DPYSL5: variants seen among roughly 807,000 people sequenced by gnomAD.
DPYSL5 encodes dihydropyrimidinase-related protein 5.
A neutral mutation model predicts 58.4 loss-of-function variants in DPYSL5; 9 were observed. The ratio of observed to expected loss-of-function variants is 0.15; its 90% CI spans 0.09 to 0.27. The LOEUF (loss-of-function observed/expected upper bound fraction) is 0.27, where lower values mean the gene tolerates loss of function less well. Among genes scored for constraint, DPYSL5 ranks in the 10% least tolerant of loss-of-function variants. DPYSL5 has a pLI of 1.00. For missense variants in DPYSL5, 499 were observed against 770.6 expected (o/e 0.65, Z 4.17); for synonymous variants, 293 against 301.9 (o/e 0.97, Z 0.31).
rs560601329 is a variant in DPYSL5 at position 26,873,074 on chromosome 2, C to G, written c.-5+24820C>G. On this transcript the variant is annotated intron_variant, in intron 1 of 12. Transcript: ENST00000288699. ...ACCATTTCCCCTTTTGTTTGAACTG[C>G]TAGGAAGCTTAGTGCTAAATGCAAT... Among the ~76,000 whole-genome samples, 7 of 152,244 alleles carry G rather than the reference C, an allele frequency of 4.6e-5. No individual in the cohort carries two copies. In the East Asian group the frequency reaches 1.3e-3, roughly 29 times the overall value.
chr2:26,932,208 A>AAAGAAAAG (rs1178078504), intron 6 of DPYSL5, among the ~76,000 whole-genome samples: 39 of 70,206 alleles, frequency 5.6e-4, no homozygotes, highest in Admixed American at 2.1e-3. Context: ...AGAAAGAAAG[A>AAAGAAAAG]AAAGAAAGAA....
At chr2:26,860,401 T>C (rs11887277) in intron 1 of DPYSL5, among the ~76,000 whole-genome samples, 62,789 of 152,064 alleles carry the variant, frequency 0.41, 13,320 homozygotes, top group Admixed American at 0.49. Context: ...TTTGATGTCC[T>C]GTGACAGACA....
At chr2:26,919,463 A>G (rs1664652709) in intron 2 of DPYSL5, among the ~76,000 whole-genome samples, 1 of 152,242 alleles carries the variant, frequency 6.6e-6, no homozygotes, top group African/African-American at 2.4e-5. Context: ...AAATTGTAAA[A>G]TGATGTTTCA....
At chr2:26,937,397 A>C (rs1665207509) in intron 8 of DPYSL5, among the ~76,000 whole-genome samples, 1 of 152,082 alleles carries the variant, frequency 6.6e-6, no homozygotes, top group Non-Finnish European at 1.5e-5. Flanking sequence ...TTAATATTTT[A>C]ATATTTATAG....
intron 1 of DPYSL5, among the ~76,000 whole-genome samples, chr2:26,872,977 A>C (rs1663309853): frequency 6.6e-6 from 1 of 152,200 alleles, no homozygotes; most frequent in Non-Finnish European, 1.5e-5. Flanking sequence ...TTAGACTGAA[A>C]CCTCTTTTTA....
At chr2:26,882,290 G>A (rs1212284269) in intron 1 of DPYSL5, among the ~76,000 whole-genome samples, 1 of 151,978 alleles carries the variant, frequency 6.6e-6, no homozygotes, top group Non-Finnish European at 1.5e-5. Context: ...CTGTCACCCA[G>A]GCTGGAGTTC....
chr2:26,866,001 T>C (rs1666131076), intron 1 of DPYSL5, among the ~76,000 whole-genome samples: 1 of 152,196 alleles, frequency 6.6e-6, no homozygotes, highest in African/African-American at 2.4e-5. Context: ...GGTGGGTGTT[T>C]GTCTGCATGG....
At chr2:26,872,305 C>A (rs767053297) in intron 1 of DPYSL5, among the ~76,000 whole-genome samples, 2 of 152,212 alleles carry the variant, frequency 1.3e-5, no homozygotes, top group Non-Finnish European at 2.9e-5. Flanking sequence ...CATTTGAATT[C>A]TCTTTGTTGT....
chr2:26,899,451 A>T (rs983970137), intron 2 of DPYSL5, among the ~76,000 whole-genome samples: 1 of 152,178 alleles, frequency 6.6e-6, no homozygotes, highest in African/African-American at 2.4e-5. Flanking sequence ...CATTGCTGTC[A>T]TCCCTCTTCC....
Position 26,942,942 on chromosome 2 carries a change from TC to T in DPYSL5, c.1440+196del, listed in dbSNP as rs1443366452. Among the ~76,000 whole-genome samples the T allele has an allele frequency of 6.6e-6, 1 of 152,214 alleles. No individual in the cohort carries two copies. Among genetic ancestry groups the T allele is most frequent in the African/African-American group, 2.4e-5 (1 of 41,456 alleles). On this transcript the variant is annotated intron_variant, in intron 11 of 12. Coordinates refer to ENST00000288699, the MANE Select transcript of DPYSL5 (RefSeq NM_020134.4). The surrounding 1 kb of genome is among the most constrained non-coding windows in gnomAD (Gnocchi z 5.9). ...AGAGTCAGAAAATGCTGATTTCTGT[TC>T]CCCGTCTTTGATTACCAAGTGGCAT...
At chr2:26,893,347 C>T (rs1663936291) in intron 1 of DPYSL5, among the ~76,000 whole-genome samples, 1 of 152,190 alleles carries the variant, frequency 6.6e-6, no homozygotes, top group Non-Finnish European at 1.5e-5. Flanking sequence ...TGTGCCCTTA[C>T]AAGAGGTACT....
At chr2:26,853,845 C>A (rs1665814235) in intron 1 of DPYSL5, among the ~76,000 whole-genome samples, 1 of 152,088 alleles carries the variant, frequency 6.6e-6, no homozygotes, top group African/African-American at 2.4e-5. Flanking sequence ...AACCACCCAG[C>A]CTGGGAAACA....
rs1010141260 is a variant in DPYSL5, at chr2:26,933,422, C to T, written c.790+89C>T. 27 of 1,289,902 alleles carry T rather than the reference C, an allele frequency of 2.1e-5. No individual in the cohort carries two copies. Among genetic ancestry groups the T allele is most frequent in the African/African-American group, 5.8e-5 (4 of 68,812 alleles). 79.9% of individuals were successfully genotyped at this position (1,289,902 alleles called of 1,614,324 possible). A position where few individuals can be genotyped will look rare whatever the true frequency, so the allele number is the denominator to read the frequency against. On this transcript the variant is annotated intron_variant, in intron 7 of 12. Transcript: ENST00000288699. The surrounding 1 kb of genome is among the most constrained non-coding windows in gnomAD (Gnocchi z 4.2). Reference sequence around the variant, plus strand: ...CATTAGCCGTGCTCACTCCTGGCCCCGGCTCCTGAAACCAGGACCTGAGCC... The same window carrying T: ...CATTAGCCGTGCTCACTCCTGGCCCTGGCTCCTGAAACCAGGACCTGAGCC...
rs1272842204 is a variant in DPYSL5 at position 26,927,471 on chromosome 2, A to G, written c.600+39A>G. The G allele has an allele frequency of 5.6e-6, 9 of 1,601,854 alleles. No individual in the cohort carries two copies. Among genetic ancestry groups the G allele is most frequent in the Non-Finnish European group, 7.7e-6 (9 of 1,173,392 alleles). ...CAAGAATATTGGATGGAGGGACACC[A>G]GTGGAGACAGTTAGTTCTCAGGGGA... On this transcript the variant is annotated intron_variant, in intron 4 of 12. Coordinates refer to ENST00000288699, the MANE Select transcript of DPYSL5 (RefSeq NM_020134.4). The surrounding 1 kb of genome is among the most constrained non-coding windows in gnomAD (Gnocchi z 4.3).
Position 26,947,057 on chromosome 2 carries a change from C to A in DPYSL5, c.*62C>A. Reference sequence around the variant, plus strand: ...CGCCACCAGCCCGCAACTCTCCAGCCGAAGCTGCAGGGGCAGGAGAGGCTG... The same window carrying A: ...CGCCACCAGCCCGCAACTCTCCAGCAGAAGCTGCAGGGGCAGGAGAGGCTG... On this transcript the variant is annotated 3_prime_UTR_variant, in exon 13 of 13. Coordinates refer to ENST00000288699, the MANE Select transcript of DPYSL5 (RefSeq NM_020134.4). This position sits in a 1 kb window ranked among gnomAD's most constrained non-coding sequence, Gnocchi z 4.2. 2 of 1,432,502 alleles carry A rather than the reference C, an allele frequency of 1.4e-6. No homozygotes were observed. The highest frequency in any genetic ancestry group is 1.2e-5 in the South Asian group (1 of 83,150). 88.7% of individuals were successfully genotyped at this position (1,432,502 alleles called of 1,614,324 possible). A position where few individuals can be genotyped will look rare whatever the true frequency, so the allele number is the denominator to read the frequency against.
chr2:26,886,296 T>C (rs1430202349), intron 1 of DPYSL5, among the ~76,000 whole-genome samples: 5 of 152,168 alleles, frequency 3.3e-5, no homozygotes, highest in African/African-American at 1.2e-4. Context: ...CTTTGAGAAG[T>C]AGGACATGGT....
intron 6 of DPYSL5, among the ~76,000 whole-genome samples, chr2:26,931,949 A>AACTGCAATCT (rs1665000465): frequency 1.4e-5 from 2 of 143,698 alleles, no homozygotes; most frequent in Admixed American, 1.5e-4. Context: ...CGGAGGTTGC[A>AACTGCAATCT]GTGAGCCAAG....
chr2:26,880,935 TGGGCATGA>T lies in DPYSL5; in HGVS notation c.-4-17560_-4-17553del, dbSNP rs1663544578. Among the ~76,000 whole-genome samples, 10 of 152,346 alleles carry T rather than the reference TGGGCATGA, an allele frequency of 6.6e-5. No individual in the cohort carries two copies. In the South Asian group the frequency reaches 1.7e-3, roughly 25 times the overall value. On this transcript the variant is annotated intron_variant, in intron 1 of 12. Transcript: ENST00000288699. ...TGGCTTTCAAAAAGCTTCAGTCTGT[TGGGCATGA>T]ATTCCAACCCACAGTTTTCTCAGCC...
At position 26,927,303 on chromosome 2, in the gene DPYSL5, C is replaced by T; in HGVS notation, c.471C>T (p.Phe157=). The T allele has an allele frequency of 6.2e-7, 1 of 1,614,174 alleles. No individual in the cohort carries two copies. The highest frequency in any genetic ancestry group is 8.5e-7 in the Non-Finnish European group (1 of 1,180,022). Residue 157 remains phenylalanine, a synonymous_variant, in exon 4 of 13, where the codon TTC becomes TTT. Transcript: ENST00000288699. This position sits in a 1 kb window ranked among gnomAD's most constrained non-coding sequence, Gnocchi z 4.3. ...TLVREKGVNS[F]QMFMTYKDLY... ...TGAGGGAGAAGGGTGTCAACTCGTT[C>T]CAGATGTTCATGACCTACAAGGACC...
Sources: allele counts gnomAD v4.1 joint callset (sites outside exome capture counted in the v4.1 genomes callset), GRCh38; gene constraint gnomAD v4.1.1; non-coding constraint Gnocchi (gnomAD v3.1); transcripts MANE v1.5; gene names NCBI Gene and HGNC (gene_info 2026-07-23, HGNC 2026-07-21).